ARVCF: variants seen among roughly 807,000 people sequenced by gnomAD.
The protein encoded by ARVCF is ARVCF delta catenin family member, also known as splicing regulator ARVCF.
Under a neutral mutation model 90.9 loss-of-function variants are expected in ARVCF, and 66 were observed. The ratio of observed to expected loss-of-function variants is 0.73; its 90% CI spans 0.60 to 0.89. The LOEUF (loss-of-function observed/expected upper bound fraction) is 0.89, where lower values mean the gene tolerates loss of function less well. Among genes scored for constraint, ARVCF ranks in the 40% least tolerant of loss-of-function variants. ARVCF has a pLI of 0.00. For synonymous variants in ARVCF, 653 were observed against 603.4 expected, an observed-to-expected ratio of 1.08 and a Z score of -1.21; for missense variants, 1,469 against 1,382.3, an observed-to-expected ratio of 1.06 and a Z score of -1.00.
chr22:19,979,969 C>T lies in ARVCF; in HGVS notation c.1170G>A (p.Glu390=), dbSNP rs759176694. 8 of 1,595,946 alleles carry T rather than the reference C, an allele frequency of 5.0e-6. No homozygotes were observed. The highest frequency in any genetic ancestry group is 6.8e-6 in the Non-Finnish European group (8 of 1,171,924). ...AYLQHLCFEN[E]GVKRRVRQLR... ...ACTGCCGTACACGCCGCTTGACACC[C>T]TCGTTCTCAAAGCACAGATGCTGCA... The change falls in exon 6 of 20, where the codon GAG becomes GAA. Residue 390 remains glutamate (E), a synonymous_variant. Coordinates refer to ENST00000263207, the MANE Select transcript of ARVCF (RefSeq NM_001670.3).
chr22:19,968,824 G>C, downstream of ARVCF: 1 of 1,312,514 alleles, frequency 7.6e-7, no homozygotes, highest in Non-Finnish European at 1.1e-6. Flanking sequence ...CTGCGGCTCC[G>C]GGCTGTGTCC....
intron 3 of ARVCF, among the ~76,000 whole-genome samples, chr22:19,985,371 T>G (rs1943710793): frequency 6.6e-6 from 1 of 152,178 alleles, no homozygotes; most frequent in African/African-American, 2.4e-5. Context: ...GGGTTTCCCA[T>G]GAGCTCCCTT....
rs1385413426 is a variant in ARVCF, at chr22:19,973,309, C to T, written c.2248G>A (p.Ala750Thr). 6 of 1,597,714 alleles carry T rather than the reference C, an allele frequency of 3.8e-6. No homozygotes were observed. Among genetic ancestry groups the T allele is most frequent in the Admixed American group, 1.7e-5 (1 of 59,296 alleles). ...RRNKDLIGSY[A>T]MAELVRNVRN... ...ACATTCCGCACAAGCTCAGCCATGGCGTAGCTCCCTGAGGGGCAGGACTAG... is the reference window on the plus strand; with the variant it reads ...ACATTCCGCACAAGCTCAGCCATGGTGTAGCTCCCTGAGGGGCAGGACTAG... The change falls in exon 14 of 20, where the codon GCC becomes ACC. Residue 750 changes from alanine to threonine, a missense_variant. By Grantham distance (58) the Ala-to-Thr change is moderately conservative. Transcript: ENST00000263207.
chr22:19,980,372 T>C (rs1943427172), intron 5 of ARVCF, 130 bp from the exon 6 acceptor site: 1 of 1,326,752 alleles, frequency 7.5e-7, no homozygotes, highest in Non-Finnish European at 9.8e-7. Context: ...ACCTGTATCT[T>C]GGCCCGGAGC....
intron 3 of ARVCF, among the ~76,000 whole-genome samples, chr22:19,986,237 G>C (rs1255891571): frequency 1.3e-5 from 2 of 152,220 alleles, no homozygotes; most frequent in Non-Finnish European, 2.9e-5. Context: ...CCACCTCTGA[G>C]GGCCAGACCC....
Position 19,982,014 on chromosome 22 carries a change from C to T in ARVCF, c.288G>A (p.Val96=). 6.2e-7 allele frequency: 1 copy of T among 1,613,112 alleles called. No homozygotes were observed. The highest frequency in any genetic ancestry group is 8.5e-7 in the Non-Finnish European group (1 of 1,179,986). The part of the protein sequence containing the change: ...APDVLEETVT[V]EEDPGTPTSH... ...AAGTGGGTGTGCCGGGGTCCTCCTC[C>T]ACCGTCACGGTCTCCTCCAGCACAT... Residue 96 remains valine, a synonymous_variant, in exon 4 of 20, where the codon GTG becomes GTA. Transcript: ENST00000263207.
At chr22:19,967,347 C>T (rs139797392), downstream of ARVCF, 126 of 594,506 alleles carry the variant, frequency 2.1e-4, 1 homozygote, top group East Asian at 6.4e-3. Flanking sequence ...GTCCTCCTCC[C>T]GGGTGGCGCT....
At chr22:19,981,773 G>A (rs773749499) in intron 4 of ARVCF, 36 bp from the exon 5 acceptor site, 17 of 1,550,188 alleles carry the variant, frequency 1.1e-5, no homozygotes, top group Middle Eastern at 1.7e-4. Context: ...GGGGTAGCAC[G>A]AGAGGCCTAG....
intron 6 of ARVCF, chr22:19,979,528 G>A (rs529424529): frequency 2.9e-5 from 21 of 719,152 alleles, no homozygotes; most frequent in African/African-American, 5.4e-5. Flanking sequence ...CCCGAGGGGC[G>A]CAGCGTCAGC....
intron 1 of ARVCF, among the ~76,000 whole-genome samples, chr22:20,011,283 A>T (rs1944820737): frequency 6.6e-6 from 1 of 152,204 alleles, no homozygotes. Flanking sequence ...GGATATTGCC[A>T]GAGTGTTCAT....
At chr22:20,014,092 T>C (rs1426821051) in intron 1 of ARVCF, among the ~76,000 whole-genome samples, 1 of 152,164 alleles carries the variant, frequency 6.6e-6, no homozygotes, top group Non-Finnish European at 1.5e-5. Context: ...GCCAGGCTGG[T>C]CTCAAACTCC....
At chr22:19,978,433 C>T (rs1943286652) in intron 7 of ARVCF, among the ~76,000 whole-genome samples, 1 of 152,162 alleles carries the variant, frequency 6.6e-6, no homozygotes, top group Non-Finnish European at 1.5e-5. Flanking sequence ...GCTCTGGGCC[C>T]CACCTTACCC....
rs1289038491 is a variant in ARVCF, at chr22:19,981,340, G to A, written c.767C>T (p.Ala256Val). 1.9e-6 allele frequency: 3 copies of A among 1,606,050 alleles called. No individual in the cohort carries two copies. The highest frequency in any genetic ancestry group is 1.7e-5 in the Admixed American group (1 of 59,238). Reference protein sequence around the residue: ...GGRSLPERFQAEPYGLEDDTR... With the variant: ...GGRSLPERFQVEPYGLEDDTR... ...GTCATCCTCCAAGCCATACGGCTCTGCCTGGAAGCGCTCGGGCAGGGAGCG... is the reference window on the plus strand; with the variant it reads ...GTCATCCTCCAAGCCATACGGCTCTACCTGGAAGCGCTCGGGCAGGGAGCG... The change falls in exon 5 of 20, where the codon GCA becomes GTA. Residue 256 changes from alanine (A) to valine (V), a missense_variant. Coordinates refer to ENST00000263207, the MANE Select transcript of ARVCF (RefSeq NM_001670.3).
intron 3 of ARVCF, 98 bp downstream of exon 3, chr22:19,990,487 G>C: frequency 2.2e-6 from 3 of 1,392,722 alleles, no homozygotes; most frequent in Admixed American, 2.2e-5. Flanking sequence ...AGCAAATCTT[G>C]CAATAAGCGA....
chr22:19,970,490 GCCTCCTC>G lies in ARVCF; in HGVS notation c.*259_*265del. On this transcript the variant is annotated 3_prime_UTR_variant, in exon 20 of 20. Coordinates refer to ENST00000263207, the MANE Select transcript of ARVCF (RefSeq NM_001670.3). ...GGGCCCTGCCCCAGCAGCCCAGTCG[GCCTCCTC>G]GGGCCTTCTGTCACTCGCTCACACA... is the stretch of plus-strand genomic sequence containing the variant. The G allele has an allele frequency of 1.8e-6, 2 of 1,095,600 alleles. No individual in the cohort carries two copies. The highest frequency in any genetic ancestry group is 2.0e-5 in the South Asian group (1 of 49,074). The allele number at this position is 1,095,600 out of a possible 1,614,324, so 67.9% of individuals were successfully genotyped here.
intron 1 of ARVCF, among the ~76,000 whole-genome samples, chr22:20,011,059 C>T (rs1025500779): frequency 6.6e-6 from 1 of 152,240 alleles, no homozygotes; most frequent in Non-Finnish European, 1.5e-5. Context: ...AGGTTCCTGG[C>T]CCTGGAGCTG....
chr22:19,992,062 G>A (rs1003458251), intron 2 of ARVCF, among the ~76,000 whole-genome samples: 5 of 152,252 alleles, frequency 3.3e-5, no homozygotes, highest in African/African-American at 7.2e-5. Context: ...GAGCCCCCAA[G>A]AGGAAAAGCA....
intron 7 of ARVCF, among the ~76,000 whole-genome samples, chr22:19,978,549 G>A (rs1007319240): frequency 3.3e-5 from 5 of 152,164 alleles, no homozygotes; most frequent in African/African-American, 1.2e-4. Context: ...GGGGTAGGAG[G>A]GGAAGGGCAG....
intron 12 of ARVCF, 150 bp downstream of exon 12, chr22:19,973,962 C>T (rs1056628442): frequency 7.5e-6 from 11 of 1,467,520 alleles, no homozygotes; most frequent in African/African-American, 1.4e-5. Flanking sequence ...CCAGGGTGCA[C>T]GCATTGCCCG....
Sources: allele counts gnomAD v4.1 joint callset (sites outside exome capture counted in the v4.1 genomes callset), GRCh38; gene constraint gnomAD v4.1.1; transcripts MANE v1.5; gene names NCBI Gene and HGNC (gene_info 2026-07-23, HGNC 2026-07-21).